Variants in FGF14 observed in about 807,000 individuals in gnomAD.
FGF14 encodes fibroblast growth factor 14.
In FGF14, 5 loss-of-function variants were observed where a neutral mutation model predicts 25.5. The ratio of observed to expected loss-of-function variants is 0.20; its 90% confidence interval spans 0.10 to 0.41. FGF14 has a LOEUF of 0.41. Ranked by LOEUF, FGF14 falls within the 10% of genes least tolerant of loss-of-function variation. The probability of loss-of-function intolerance (pLI) is 1.00; values close to 1 mark genes in which losing one functional copy is unlikely to be tolerated. For synonymous variants in FGF14, 138 were observed against 118.3 expected (o/e 1.17, Z -1.08); for missense variants, 222 against 320.1 (o/e 0.69, Z 2.34).
chr13:102,280,817 G>C (rs1185311487), intron 1 of FGF14, among the ~76,000 whole-genome samples: 1 of 152,176 alleles, frequency 6.6e-6, no homozygotes, highest in Non-Finnish European at 1.5e-5. Flanking sequence ...GAGTGAACAT[G>C]AGAACAGGTG....
At chr13:102,060,999 G>T (rs2042663115) in intron 1 of FGF14, among the ~76,000 whole-genome samples, 1 of 152,182 alleles carries the variant, frequency 6.6e-6, no homozygotes, top group African/African-American at 2.4e-5. Context: ...GCCTAGGGGA[G>T]TTCGGCTAAG....
chr13:102,316,262 C>T (rs757926768), intron 1 of FGF14, among the ~76,000 whole-genome samples: 9 of 152,216 alleles, frequency 5.9e-5, no homozygotes, highest in Admixed American at 2.6e-4. Context: ...TATCATGTTA[C>T]ATACAATCAG....
intron 1 of FGF14, among the ~76,000 whole-genome samples, chr13:102,126,999 T>A (rs1339904474): frequency 6.6e-6 from 1 of 152,172 alleles, no homozygotes; most frequent in East Asian, 1.9e-4. Flanking sequence ...ACAAGCTGAG[T>A]AAGTAACTGC....
chr13:102,156,451 A>T (rs2047343395), intron 1 of FGF14, among the ~76,000 whole-genome samples: 1 of 152,232 alleles, frequency 6.6e-6, no homozygotes, highest in Admixed American at 6.5e-5. Flanking sequence ...CCTTTGACAA[A>T]ATTCAACAGC....
intron 1 of FGF14, among the ~76,000 whole-genome samples, chr13:101,950,617 T>C (rs1219544593): frequency 6.6e-6 from 1 of 152,218 alleles, no homozygotes; most frequent in African/African-American, 2.4e-5. Context: ...TCTGTTTGTG[T>C]AGTCACAACT....
intron 1 of FGF14, among the ~76,000 whole-genome samples, chr13:101,959,396 T>G (rs1300944930): frequency 6.6e-6 from 1 of 152,176 alleles, no homozygotes; most frequent in Non-Finnish European, 1.5e-5. Context: ...TAACAAAATT[T>G]GTTTAACTAC....
At chr13:101,887,377 T>G (rs1030116567) in intron 1 of FGF14, among the ~76,000 whole-genome samples, 1 of 151,670 alleles carries the variant, frequency 6.6e-6, no homozygotes, top group Non-Finnish European at 1.5e-5. Context: ...CATGCACATA[T>G]ATAATGGAAT....
chr13:102,290,440 T>C (rs2054327365), intron 1 of FGF14, among the ~76,000 whole-genome samples: 1 of 152,208 alleles, frequency 6.6e-6, no homozygotes, highest in Non-Finnish European at 1.5e-5. Context: ...TATAGCAGCC[T>C]GAGCAGACTA....
intron 1 of FGF14, among the ~76,000 whole-genome samples, chr13:101,926,712 G>A (rs777766365): frequency 2.6e-5 from 4 of 152,162 alleles, no homozygotes; most frequent in African/African-American, 4.8e-5. Flanking sequence ...ATGAGATTTG[G>A]GGCCTAAGGC....
intron 1 of FGF14, among the ~76,000 whole-genome samples, chr13:102,043,378 C>T (rs1243390456): frequency 6.6e-6 from 1 of 152,134 alleles, no homozygotes; most frequent in African/African-American, 2.4e-5. Context: ...CATTAAATCA[C>T]AATTGTTTAA....
intron 3 of FGF14, among the ~76,000 whole-genome samples, chr13:101,860,158 C>T (rs139736559): frequency 1.1e-3 from 171 of 152,146 alleles, no homozygotes; most frequent in African/African-American, 3.8e-3. Flanking sequence ...GCAAACCAGC[C>T]ATTATTGGTT....
At chr13:101,780,063 G>A (rs146225238) in intron 3 of FGF14, among the ~76,000 whole-genome samples, 1 of 152,206 alleles carries the variant, frequency 6.6e-6, no homozygotes, top group East Asian at 1.9e-4. Context: ...TTAACTGACT[G>A]GCACTGGGCA....
rs368405189 is a variant in FGF14 at position 102,095,999 on chromosome 13, G to A, written c.209-220703C>T. Among the ~76,000 whole-genome samples the A allele has an allele frequency of 8.0e-4, 72 of 89,632 alleles. 1 individual carries two copies. Among genetic ancestry groups the A allele is most frequent in the Non-Finnish European group, 9.7e-4 (29 of 29,946 alleles). The allele number at this position is 89,632 out of a possible 152,430, so 58.8% of individuals were successfully genotyped here. A position where few individuals can be genotyped will look rare whatever the true frequency, so the allele number is the denominator to read the frequency against. ...AATTTGTGTGTGTGTGTGTGTGTGT[G>A]TGTATATATATATATATAATATATT... On this transcript the variant is annotated intron_variant, in intron 1 of 4. Coordinates refer to the FGF14 transcript ENST00000376131.
intron 1 of FGF14, among the ~76,000 whole-genome samples, chr13:102,333,050 C>A (rs2056681157): frequency 6.6e-6 from 1 of 152,100 alleles, no homozygotes; most frequent in African/African-American, 2.4e-5. Flanking sequence ...AGAAACATTA[C>A]AAATTCTATG....
intron 1 of FGF14, among the ~76,000 whole-genome samples, chr13:102,341,177 A>G (rs1196783903): frequency 2.0e-5 from 3 of 152,190 alleles, no homozygotes; most frequent in Non-Finnish European, 4.4e-5. Context: ...ATAACAAAAA[A>G]AAGAAGTAGG....
chr13:102,125,834 T>A (rs1341014920), intron 1 of FGF14, among the ~76,000 whole-genome samples: 1 of 152,148 alleles, frequency 6.6e-6, no homozygotes, highest in African/African-American at 2.4e-5. Context: ...ACTTTCCTTT[T>A]GGCAACTGAT....
chr13:101,756,970 TAAG>T (rs1319861768), intron 3 of FGF14, among the ~76,000 whole-genome samples: 1 of 152,208 alleles, frequency 6.6e-6, no homozygotes, highest in Non-Finnish European at 1.5e-5. Context: ...GTTGAAATTT[TAAG>T]TACTACAAAA....
intron 1 of FGF14, among the ~76,000 whole-genome samples, chr13:101,910,771 G>A (rs961098380): frequency 2.7e-5 from 4 of 150,276 alleles, no homozygotes; most frequent in Non-Finnish European, 5.9e-5. Flanking sequence ...GTTTTCTAAT[G>A]CAAACACTGT....
intron 3 of FGF14, among the ~76,000 whole-genome samples, chr13:101,823,417 C>A (rs2140247096): frequency 6.7e-6 from 1 of 148,530 alleles, no homozygotes; most frequent in East Asian, 2.0e-4. Flanking sequence ...TGTATATATT[C>A]ATATATACAC....
Sources: gnomAD v4.1 joint callset for allele counts (sites outside exome capture counted in the v4.1 genomes callset) on GRCh38, gnomAD v4.1.1 for gene constraint, MANE v1.5 for transcripts, NCBI Gene and HGNC (gene_info 2026-07-23, HGNC 2026-07-21) for gene names.